NALF1: variants seen among roughly 807,000 people sequenced by gnomAD.
NALF1 encodes family with sequence similarity 155 member A.
In NALF1, 3 loss-of-function variants were observed where a neutral mutation model predicts 48.4. The ratio of observed to expected loss-of-function variants is 0.06; its 90% confidence interval spans 0.03 to 0.16. NALF1 has a LOEUF of 0.16. Among genes scored for constraint, NALF1 ranks in the 10% least tolerant of loss-of-function variants. NALF1 has a pLI of 1.00. For synonymous variants in NALF1, 262 were observed against 245.7 expected (o/e 1.07, Z -0.62); for missense variants, 526 against 571.5 (o/e 0.92, Z 0.81).
intron 1 of NALF1, among the ~76,000 whole-genome samples, chr13:107,303,777 C>A (rs963491): frequency 2.0e-5 from 3 of 152,186 alleles, no homozygotes; most frequent in Non-Finnish European, 2.9e-5. Flanking sequence ...TTAGAAAAAG[C>A]CCACTCAAAA....
chr13:107,279,626 C>A (rs1881349221), intron 1 of NALF1, among the ~76,000 whole-genome samples: 1 of 152,182 alleles, frequency 6.6e-6, no homozygotes, highest in Non-Finnish European at 1.5e-5. Flanking sequence ...ATACTTGCAT[C>A]ATCAATCATG....
chr13:107,316,260 G>C (rs1882148035), intron 1 of NALF1, among the ~76,000 whole-genome samples: 2 of 152,270 alleles, frequency 1.3e-5, no homozygotes, highest in South Asian at 2.1e-4. Context: ...GTATTCCATG[G>C]TGTATATGTG....
chr13:107,334,449 AGAAG>A (rs1453494950), intron 1 of NALF1, among the ~76,000 whole-genome samples: 3 of 152,092 alleles, frequency 2.0e-5, no homozygotes, highest in Non-Finnish European at 2.9e-5. Context: ...CTGGCTCTCT[AGAAG>A]GATCCTTCAT....
rs190645802 is a variant in NALF1 at position 107,308,962 on chromosome 13, G to C, written c.916-98207C>G. ...TCCTGAAAAACATTTGAGGTGTTGA[G>C]TTTATTTGATTTCTAATTCAATGGA... On this transcript the variant is annotated intron_variant, in intron 1 of 2. Coordinates refer to ENST00000375915, the MANE Select transcript of NALF1 (RefSeq NM_001080396.3). 2.7e-3 allele frequency among the ~76,000 whole-genome samples: 406 copies of C among 152,278 alleles called. 2 individuals carry two copies. The highest frequency in any genetic ancestry group is 9.5e-3 in the African/African-American group (394 of 41,546).
Position 107,629,324 on chromosome 13 carries a change from G to A in NALF1, c.915+236358C>T, listed in dbSNP as rs182649694. 1.5e-3 allele frequency among the ~76,000 whole-genome samples: 229 copies of A among 152,222 alleles called. 1 individual carries two copies. Among genetic ancestry groups the A allele is most frequent in the African/African-American group, 5.1e-3 (213 of 41,540 alleles). ...TACACATACTTATTCAGGCAGACAT[G>A]ACCAAACAAAATCTTTGAGATCTAC... On this transcript the variant is annotated intron_variant, in intron 1 of 2. Coordinates refer to ENST00000375915, the MANE Select transcript of NALF1 (RefSeq NM_001080396.3).
At chr13:107,643,362 G>C (rs1176830769) in intron 1 of NALF1, among the ~76,000 whole-genome samples, 2 of 152,140 alleles carry the variant, frequency 1.3e-5, no homozygotes, top group African/African-American at 4.8e-5. Context: ...TGTCAGCGAG[G>C]AGGGCTAGCA....
At chr13:107,554,580 C>T (rs935437601) in intron 1 of NALF1, among the ~76,000 whole-genome samples, 3 of 152,260 alleles carry the variant, frequency 2.0e-5, no homozygotes, top group South Asian at 2.1e-4. Flanking sequence ...TGAGAGAGAA[C>T]GGAAGCCCAG....
chr13:107,763,877 A>G (rs966225217), intron 1 of NALF1, among the ~76,000 whole-genome samples: 6 of 152,144 alleles, frequency 3.9e-5, no homozygotes, highest in Non-Finnish European at 8.8e-5. Flanking sequence ...AAGCTGTCCT[A>G]TGCTGTGTCA....
chr13:107,794,005 T>C (rs1195614589), intron 1 of NALF1, among the ~76,000 whole-genome samples: 5 of 152,188 alleles, frequency 3.3e-5, no homozygotes, highest in African/African-American at 9.6e-5. Context: ...CATTCTTACT[T>C]CACAGCAAGG....
At chr13:107,760,614 T>C (rs1177871535) in intron 1 of NALF1, among the ~76,000 whole-genome samples, 1 of 152,186 alleles carries the variant, frequency 6.6e-6, no homozygotes, top group African/African-American at 2.4e-5. Context: ...AATTGTAATA[T>C]CCTATGATTT....
At chr13:107,495,055 CA>C (rs1180335084) in intron 1 of NALF1, among the ~76,000 whole-genome samples, 2 of 152,200 alleles carry the variant, frequency 1.3e-5, no homozygotes, top group African/African-American at 4.8e-5. Context: ...GCACACCACA[CA>C]AATGGATACA....
intron 1 of NALF1, among the ~76,000 whole-genome samples, chr13:107,494,196 C>T (rs904500947): frequency 1.4e-5 from 2 of 138,326 alleles, no homozygotes; most frequent in African/African-American, 3.5e-5. Context: ...ATGCTGAAAC[C>T]GGTAGGCGAA....
chr13:107,358,873 T>C (rs572697257), intron 1 of NALF1, among the ~76,000 whole-genome samples: 9 of 152,162 alleles, frequency 5.9e-5, no homozygotes, highest in Admixed American at 2.0e-4. Flanking sequence ...ATGGTTCCTA[T>C]TGGCAGCTAC....
rs531573042 is a variant in NALF1 at position 107,734,028 on chromosome 13, C to A, written c.915+131654G>T. Among the ~76,000 whole-genome samples, 6 of 152,172 alleles carry A rather than the reference C, an allele frequency of 3.9e-5. No homozygotes were observed. In the East Asian group the frequency reaches 1.2e-3, roughly 29 times the overall value. The stretch of plus-strand genomic sequence containing the variant: ...CTACTGTACTGAATATGTTAGGCAA[C>A]GGCAAAACAGTGGTAAGTATTTGTG... On this transcript the variant is annotated intron_variant, in intron 1 of 2. Coordinates refer to ENST00000375915, the MANE Select transcript of NALF1 (RefSeq NM_001080396.3).
intron 1 of NALF1, among the ~76,000 whole-genome samples, chr13:107,830,169 C>T (rs1444811176): frequency 6.6e-6 from 1 of 152,202 alleles, no homozygotes; most frequent in Non-Finnish European, 1.5e-5. Context: ...AGCAATCTAA[C>T]TCGATGAATG....
intron 1 of NALF1, among the ~76,000 whole-genome samples, chr13:107,330,768 C>T (rs976244596): frequency 1.3e-5 from 2 of 152,122 alleles, no homozygotes; most frequent in African/African-American, 4.8e-5. Flanking sequence ...ATTCCAAGTG[C>T]GATCAGTCTA....
chr13:107,399,916 A>G (rs1444447215), intron 1 of NALF1, among the ~76,000 whole-genome samples: 1 of 152,212 alleles, frequency 6.6e-6, no homozygotes, highest in Non-Finnish European at 1.5e-5. Context: ...ACATAAAATT[A>G]TCTATCAAAT....
chr13:107,635,803 A>G (rs1451481089), intron 1 of NALF1, among the ~76,000 whole-genome samples: 1 of 152,130 alleles, frequency 6.6e-6, no homozygotes, highest in Admixed American at 6.6e-5. Context: ...CTATCAAAGC[A>G]CAACCTACTA....
intron 1 of NALF1, among the ~76,000 whole-genome samples, chr13:107,317,981 A>G (rs1882182386): frequency 6.6e-6 from 1 of 152,208 alleles, no homozygotes; most frequent in East Asian, 1.9e-4. Context: ...ATCCAGTAGC[A>G]TCAGTTAATA....
Sources: allele counts gnomAD v4.1 joint callset (sites outside exome capture counted in the v4.1 genomes callset), GRCh38; gene constraint gnomAD v4.1.1; transcripts MANE v1.5; gene names NCBI Gene and HGNC (gene_info 2026-07-23, HGNC 2026-07-21).